MYO10: variants seen among roughly 807,000 people sequenced by gnomAD.
The protein encoded by MYO10 is unconventional myosin-X.
MYO10 carries 133 observed loss-of-function variants against 257.3 expected under a neutral mutation model. The ratio of observed to expected loss-of-function variants is 0.52; its 90% CI spans 0.45 to 0.60. The LOEUF (loss-of-function observed/expected upper bound fraction) is 0.60. Among genes scored for constraint, MYO10 ranks in the 20% least tolerant of loss-of-function variants. The pLI, the probability that MYO10 is intolerant of heterozygous loss-of-function variation, is 0.00. For missense variants in MYO10, 2,399 were observed against 2,635.7 expected (o/e 0.91, Z 1.97); for synonymous variants, 1,104 against 1,028.6 (o/e 1.07, Z -1.40).
chr5:16,803,354 G>C (rs1742178211), intron 3 of MYO10, among the ~76,000 whole-genome samples: 1 of 152,126 alleles, frequency 6.6e-6, no homozygotes, highest in Non-Finnish European at 1.5e-5. Flanking sequence ...CCTGAGCCCA[G>C]GAGGCAGAGG....
At chr5:16,735,147 T>A (rs1234067444) in intron 19 of MYO10, among the ~76,000 whole-genome samples, 11 of 152,130 alleles carry the variant, frequency 7.2e-5, no homozygotes, top group Admixed American at 6.5e-4. Flanking sequence ...GTTGAAAGAG[T>A]AACTTGCTTT....
In MYO10 at chr5:16,702,995, C is replaced by CT. The variant is rs1296467923; in HGVS notation, c.2439dup (p.Glu814ArgfsTer60). The CT allele has an allele frequency of 6.4e-7, 1 of 1,552,262 alleles. No individual in the cohort carries two copies. The highest frequency in any genetic ancestry group is 8.7e-7 in the Non-Finnish European group (1 of 1,147,128). On this transcript the variant is annotated frameshift_variant, in exon 23 of 41. Transcript: ENST00000513610. LOFTEE classifies it high-confidence loss of function. ...TTCTTTTCTTCTTGCTCCCTTTTCT[C>CT]TGCCAGCAATTGTCTGTAAACTCTC...
chr5:16,924,979 C>G (rs550211616), intron 1 of MYO10, among the ~76,000 whole-genome samples: 1 of 151,802 alleles, frequency 6.6e-6, no homozygotes, highest in African/African-American at 2.4e-5. Context: ...TACAGGTGCC[C>G]ACCACCACAC....
At chr5:16,856,458 G>A (rs1743962429) in intron 2 of MYO10, among the ~76,000 whole-genome samples, 1 of 151,950 alleles carries the variant, frequency 6.6e-6, no homozygotes, top group Non-Finnish European at 1.5e-5. Flanking sequence ...GCCAAGGCAG[G>A]AGAATCGCTT....
chr5:16,678,960 C>T (rs1014603666), intron 33 of MYO10, among the ~76,000 whole-genome samples: 3 of 152,226 alleles, frequency 2.0e-5, no homozygotes, highest in African/African-American at 4.8e-5. Context: ...GAACATCCCC[C>T]GTCACCGTTC....
intron 19 of MYO10, among the ~76,000 whole-genome samples, chr5:16,747,237 C>A (rs376872137): frequency 6.6e-6 from 1 of 152,152 alleles, no homozygotes; most frequent in Non-Finnish European, 1.5e-5. Context: ...TTAAAGACAC[C>A]ACCCCAATAC....
At chr5:16,899,641 A>C (rs1321464298) in intron 1 of MYO10, among the ~76,000 whole-genome samples, 1 of 151,688 alleles carries the variant, frequency 6.6e-6, no homozygotes, top group Non-Finnish European at 1.5e-5. Context: ...AAAAAAAAAA[A>C]ACAAAAAACA....
chr5:16,694,389 A>G lies in MYO10; in HGVS notation c.3782T>C (p.Val1261Ala). ...NDSEEKLKGT[V>A]EVRTAKEIID... ...AACCTACTTTGCCGTTCGCACTTCT[A>G]CGGTGCCCTTGAGCTTCTCCTCGCT... Residue 1261 changes from valine (V) to alanine (A), a missense_variant, in exon 27 of 41, where the codon GTA becomes GCA. Val to Ala is a moderately conservative substitution (Grantham distance 64, BLOSUM62 0). Transcript: ENST00000513610. The G allele has an allele frequency of 1.2e-6, 2 of 1,614,042 alleles. No homozygotes were observed. Among genetic ancestry groups the G allele is most frequent in the Non-Finnish European group, 1.7e-6 (2 of 1,179,904 alleles).
At chr5:16,763,350 A>C in intron 14 of MYO10, 131 bp downstream of exon 14, 1 of 726,934 alleles carries the variant, frequency 1.4e-6, no homozygotes, top group Non-Finnish European at 2.4e-6. Flanking sequence ...TATGTTTCCA[A>C]ATGGTCCATT....
intron 1 of MYO10, among the ~76,000 whole-genome samples, chr5:16,918,438 C>T (rs1237715015): frequency 2.0e-5 from 3 of 151,742 alleles, no homozygotes; most frequent in Non-Finnish European, 4.4e-5. Context: ...TCAGTGTGGC[C>T]TTGGCATTCC....
At chr5:16,910,851 G>C (rs1196347635) in intron 1 of MYO10, among the ~76,000 whole-genome samples, 1 of 152,120 alleles carries the variant, frequency 6.6e-6, no homozygotes, top group African/African-American at 2.4e-5. Flanking sequence ...CACTCTGTCT[G>C]AGGTAGTCTA....
chr5:16,916,784 G>GA (rs1280561576), intron 1 of MYO10, among the ~76,000 whole-genome samples: 5 of 152,114 alleles, frequency 3.3e-5, no homozygotes, highest in Admixed American at 2.0e-4. Flanking sequence ...AAACGGAAAA[G>GA]AAAAAAGATA....
At chr5:16,776,760 C>CA (rs1741224095) in intron 9 of MYO10, among the ~76,000 whole-genome samples, 1 of 152,184 alleles carries the variant, frequency 6.6e-6, no homozygotes, top group Non-Finnish European at 1.5e-5. Context: ...CGAGAGAACA[C>CA]AGAGTACCAA....
intron 1 of MYO10, among the ~76,000 whole-genome samples, chr5:16,883,845 C>T (rs1744823158): frequency 6.6e-6 from 1 of 152,164 alleles, no homozygotes; most frequent in Admixed American, 6.5e-5. Flanking sequence ...AGAGAAACAA[C>T]CCTAAAAAGA....
chr5:16,754,953 TC>T, intron 18 of MYO10, 45 bp from the exon 19 acceptor site: 1 of 1,305,876 alleles, frequency 7.7e-7, no homozygotes, highest in Non-Finnish European at 1.1e-6. Context: ...ATTATGTCAT[TC>T]TTTAAATTTC....
At chr5:16,772,510 G>A (rs576051586) in intron 9 of MYO10, among the ~76,000 whole-genome samples, 5 of 152,224 alleles carry the variant, frequency 3.3e-5, no homozygotes, top group African/African-American at 9.6e-5. Context: ...TTGTAAAAAA[G>A]CAAAAAAGCT....
intron 9 of MYO10, among the ~76,000 whole-genome samples, chr5:16,778,908 T>C (rs1441375291): frequency 6.6e-6 from 1 of 152,028 alleles, no homozygotes; most frequent in Non-Finnish European, 1.5e-5. Context: ...GCCAGGATGG[T>C]CTCAATCTCC....
At chr5:16,717,237 A>G (rs184814922) in intron 19 of MYO10, among the ~76,000 whole-genome samples, 26 of 152,360 alleles carry the variant, frequency 1.7e-4, no homozygotes, top group Admixed American at 5.2e-4. Context: ...ACTCGTATGC[A>G]TCAAACCTAT....
chr5:16,780,534 A>G lies in MYO10; in HGVS notation c.816T>C (p.His272=). Residue 272 remains histidine, a synonymous_variant, in exon 8 of 41, where the codon CAT becomes CAC. Transcript: ENST00000513610. The stretch of plus-strand genomic sequence containing the variant: ...TGTCGTCCCACTCACCTCTTTCTTC[A>G]TGTTCCAGCCCTGCCAGCAGTGCAT... The part of the protein sequence containing the change: ...IFYALLAGLE[H]EEREEFYLST... The G allele has an allele frequency of 6.3e-7, 1 of 1,579,164 alleles. No homozygotes were observed. Among genetic ancestry groups the G allele is most frequent in the Non-Finnish European group, 8.6e-7 (1 of 1,160,632 alleles).
Sources: gnomAD v4.1 joint callset for allele counts (sites outside exome capture counted in the v4.1 genomes callset) on GRCh38, gnomAD v4.1.1 for gene constraint, MANE v1.5 for transcripts, NCBI Gene and HGNC (gene_info 2026-07-23, HGNC 2026-07-21) for gene names.